Variants in EPB41L4A observed in about 807,000 individuals in gnomAD.
EPB41L4A encodes erythrocyte membrane protein band 4.1 like 4A, also known as band 4.1-like protein 4A.
A neutral mutation model predicts 108.6 loss-of-function variants in EPB41L4A; 100 were observed. The ratio of observed to expected loss-of-function variants is 0.92; its 90% CI spans 0.78 to 1.09. The LOEUF is 1.09. EPB41L4A is among the 50% of genes least tolerant of loss of function. The probability of loss-of-function intolerance (pLI) is 0.00; values close to 1 mark genes in which losing one functional copy is unlikely to be tolerated. For missense variants in EPB41L4A, 1,030 were observed against 842.7 expected (o/e 1.22, Z -2.75); for synonymous variants, 319 against 289.0 (o/e 1.10, Z -1.05).
intron 13 of EPB41L4A, among the ~76,000 whole-genome samples, chr5:112,145,644 T>C (rs988431284): frequency 1.3e-5 from 2 of 152,214 alleles, no homozygotes; most frequent in South Asian, 4.1e-4. Context: ...CAATTCTTGC[T>C]ATACTACCAA....
At chr5:112,208,455 C>T (rs1401383365) in intron 13 of EPB41L4A, among the ~76,000 whole-genome samples, 1 of 152,020 alleles carries the variant, frequency 6.6e-6, no homozygotes, top group African/African-American at 2.4e-5. Flanking sequence ...AGGCTATTAT[C>T]CTAAGTTAAT....
intron 15 of EPB41L4A, among the ~76,000 whole-genome samples, chr5:112,201,930 C>T (rs1762241511): frequency 6.6e-6 from 1 of 152,138 alleles, no homozygotes; most frequent in East Asian, 1.9e-4. Context: ...ATCTGTAAAA[C>T]TGAGATGGTG....
chr5:112,251,244 T>A (rs1362739404), intron 9 of EPB41L4A, among the ~76,000 whole-genome samples: 2 of 152,112 alleles, frequency 1.3e-5, no homozygotes, highest in Non-Finnish European at 2.9e-5. Context: ...CAAAACTACA[T>A]AAGTACTTAC....
In EPB41L4A at chr5:112,389,667, T is replaced by C. The variant is rs1475382499; in HGVS notation, c.99+29274A>G. ...CTGCCTTCTTTAGCTTTTTTTCCCG[T>C]CTATAAAGGCAACTTCCTCTGCCCC... On this transcript the variant is annotated intron_variant, in intron 1 of 22. Coordinates refer to ENST00000261486, the MANE Select transcript of EPB41L4A (RefSeq NM_022140.5). Among the ~76,000 whole-genome samples, 4 of 152,194 alleles carry C rather than the reference T, an allele frequency of 2.6e-5. No homozygotes were observed. The East Asian group carries it at 7.7e-4, about 29-fold the overall frequency.
Position 112,231,930 on chromosome 5 carries a change from C to A in EPB41L4A, c.1087+2704G>T, listed in dbSNP as rs77960070. ...TGAGACCAGCCTAAACACAGCAAGA[C>A]CCCATCTCTACAAAAAATAAAAGAT... On this transcript the variant is annotated intron_variant, in intron 12 of 22. Transcript: ENST00000261486. Among the ~76,000 whole-genome samples the A allele has an allele frequency of 1.1e-3, 160 of 150,402 alleles. 1 individual carries two copies. The East Asian group carries it at 0.028, about 27-fold the overall frequency.
intron 12 of EPB41L4A, among the ~76,000 whole-genome samples, chr5:112,147,785 A>G (rs567323389): frequency 5.7e-4 from 86 of 152,172 alleles, no homozygotes; most frequent in African/African-American, 2.0e-3. Flanking sequence ...CTTTTGATAA[A>G]AACAGGCCTA....
intron 7 of EPB41L4A, 150 bp downstream of exon 7, chr5:112,262,344 C>A (rs528807638): frequency 1.6e-6 from 1 of 642,028 alleles, no homozygotes; most frequent in Non-Finnish European, 2.7e-6. Flanking sequence ...TTAATCCACA[C>A]GAGAGCTGCT....
chr5:112,413,647 C>T (rs532282758), intron 1 of EPB41L4A, among the ~76,000 whole-genome samples: 2 of 152,310 alleles, frequency 1.3e-5, no homozygotes, highest in South Asian at 2.1e-4. Context: ...GCACCTACCT[C>T]CGCTTGGTCA....
intron 1 of EPB41L4A, among the ~76,000 whole-genome samples, chr5:112,326,225 A>G (rs1164579412): frequency 6.6e-6 from 1 of 152,116 alleles, no homozygotes; most frequent in Non-Finnish European, 1.5e-5. Flanking sequence ...CTCTTTCCTA[A>G]CATTAACATC....
At chr5:112,169,355 A>G (rs187159988) in intron 20 of EPB41L4A, among the ~76,000 whole-genome samples, 2 of 152,320 alleles carry the variant, frequency 1.3e-5, no homozygotes, top group Admixed American at 1.3e-4. Flanking sequence ...TATATTTTTT[A>G]ACAACCAAAT....
chr5:112,345,780 TACACACAC>T (rs60638685), intron 1 of EPB41L4A, among the ~76,000 whole-genome samples: 16,882 of 74,414 alleles, frequency 0.23, 1,038 homozygotes, highest in Non-Finnish European at 0.29. Context: ...TATATATATA[TACACACAC>T]ACACACACAC....
intron 9 of EPB41L4A, among the ~76,000 whole-genome samples, chr5:112,255,968 C>G (rs1458927142): frequency 6.6e-6 from 1 of 152,142 alleles, no homozygotes; most frequent in African/African-American, 2.4e-5. Flanking sequence ...AGGCCAAACT[C>G]GTTTAAGTGA....
intron 1 of EPB41L4A, among the ~76,000 whole-genome samples, chr5:112,314,538 A>AAAAAAAAAAAG (rs1561563700): frequency 2.7e-5 from 3 of 111,328 alleles, no homozygotes; most frequent in African/African-American, 1.1e-4. Context: ...AAAAAAAAAA[A>AAAAAAAAAAAG]GAAAAGAAAT....
intron 1 of EPB41L4A, among the ~76,000 whole-genome samples, 157 bp downstream of exon 1, chr5:112,418,784 C>T (rs898561391): frequency 1.3e-5 from 2 of 152,062 alleles, no homozygotes; most frequent in Non-Finnish European, 2.9e-5. Context: ...CCTGGTACGT[C>T]CACCCTCTCC....
intron 1 of EPB41L4A, among the ~76,000 whole-genome samples, chr5:112,339,612 C>T (rs1161180984): frequency 2.0e-5 from 3 of 150,634 alleles, no homozygotes; most frequent in African/African-American, 7.3e-5. Flanking sequence ...CGGCTCACTG[C>T]AACCTCTACC....
chr5:112,258,117 G>T (rs1751238293), intron 9 of EPB41L4A, among the ~76,000 whole-genome samples: 1 of 152,160 alleles, frequency 6.6e-6, no homozygotes, highest in Non-Finnish European at 1.5e-5. Flanking sequence ...AGTTTTAATT[G>T]TATCAGTAAA....
chr5:112,328,334 G>C (rs1197460273), intron 1 of EPB41L4A, among the ~76,000 whole-genome samples: 1 of 152,098 alleles, frequency 6.6e-6, no homozygotes, highest in African/African-American at 2.4e-5. Flanking sequence ...TCTTGGGGGA[G>C]AAAGATGTGA....
rs1213744532 is a variant in EPB41L4A at position 112,218,260 on chromosome 5, G to GT, written c.1088-8279dup. ...CAGCGTGGAAAGACTGCCAGATGTG[G>GT]TAACAGGAGAGGGTGCACATTGTTC... On this transcript the variant is annotated intron_variant, in intron 12 of 22. Coordinates refer to ENST00000261486, the MANE Select transcript of EPB41L4A (RefSeq NM_022140.5). Among the ~76,000 whole-genome samples the GT allele has an allele frequency of 6.6e-5, 10 of 152,216 alleles. No homozygotes were observed. In the East Asian group the frequency reaches 1.9e-3, roughly 29 times the overall value.
Position 112,240,717 on chromosome 5 carries a change from A to G in EPB41L4A, c.887+2T>C. On this transcript the variant is annotated splice_donor_variant, in intron 10 of 22. Coordinates refer to ENST00000261486, the MANE Select transcript of EPB41L4A (RefSeq NM_022140.5). LOFTEE classifies it high-confidence loss of function. ...ACAAACAAAATTTTTACATCAATTT[A>G]CCTAAAAAATGTATGATGTTCCACA... The G allele has an allele frequency of 6.6e-7, 1 of 1,516,134 alleles. No homozygotes were observed. Among genetic ancestry groups the G allele is most frequent in the Non-Finnish European group, 8.8e-7 (1 of 1,133,304 alleles). 93.9% of individuals were successfully genotyped at this position (1,516,134 alleles called of 1,614,324 possible).
Sources: gnomAD v4.1 joint callset for allele counts (sites outside exome capture counted in the v4.1 genomes callset) on GRCh38, gnomAD v4.1.1 for gene constraint, MANE v1.5 for transcripts, NCBI Gene and HGNC (gene_info 2026-07-23, HGNC 2026-07-21) for gene names.